CARMIL1: variants seen among roughly 807,000 people sequenced by gnomAD.
The protein encoded by CARMIL1 is capping protein regulator and myosin 1 linker 1.
Under a neutral mutation model 177.1 loss-of-function variants are expected in CARMIL1, and 90 were observed. The ratio of observed to expected loss-of-function variants is 0.51; its 90% CI spans 0.43 to 0.61. The LOEUF (loss-of-function observed/expected upper bound fraction) is 0.61. Ranked by LOEUF, CARMIL1 falls within the 20% of genes least tolerant of loss-of-function variation. The probability of loss-of-function intolerance (pLI) is 0.00; values close to 1 mark genes in which losing one functional copy is unlikely to be tolerated. For synonymous variants in CARMIL1, 577 were observed against 606.2 expected, an observed-to-expected ratio of 0.95 and a Z score of 0.71; for missense variants, 1,380 against 1,667.0, an observed-to-expected ratio of 0.83 and a Z score of 3.00.
intron 2 of CARMIL1, among the ~76,000 whole-genome samples, chr6:25,373,891 A>G (rs1403649189): frequency 3.3e-5 from 5 of 151,928 alleles, no homozygotes; most frequent in African/African-American, 7.3e-5. Flanking sequence ...CTCCATTTTC[A>G]TTTCTAATTG....
In CARMIL1 at chr6:25,340,368, C is replaced by T. The variant is rs114708408; in HGVS notation, c.138+55459C>T. On this transcript the variant is annotated intron_variant, in intron 2 of 36. Transcript: ENST00000329474. ...GCTATTTTTGAACCAGTGTTTTTGTCACAACGTTTTGAGTGTAGAATATTC... is the reference window on the plus strand; with the variant it reads ...GCTATTTTTGAACCAGTGTTTTTGTTACAACGTTTTGAGTGTAGAATATTC... Among the ~76,000 whole-genome samples, 697 of 152,272 alleles carry T rather than the reference C, an allele frequency of 4.6e-3. 6 individuals carry two copies. The highest frequency in any genetic ancestry group is 0.016 in the African/African-American group (651 of 41,552).
At chr6:25,454,514 G>A (rs2150875976) in intron 8 of CARMIL1, among the ~76,000 whole-genome samples, 1 of 152,290 alleles carries the variant, frequency 6.6e-6, no homozygotes, top group East Asian at 1.9e-4. Flanking sequence ...CTACAAAAAA[G>A]TAGTGGAACT....
intron 2 of CARMIL1, among the ~76,000 whole-genome samples, chr6:25,391,638 CAGTG>C (rs1390397407): frequency 6.6e-6 from 1 of 152,130 alleles, no homozygotes; most frequent in African/African-American, 2.4e-5. Flanking sequence ...AAATTAATGA[CAGTG>C]AGATATAATT....
intron 31 of CARMIL1, among the ~76,000 whole-genome samples, chr6:25,590,487 A>G (rs1385974463): frequency 1.3e-5 from 2 of 152,174 alleles, no homozygotes; most frequent in African/African-American, 2.4e-5. Context: ...AAGTTATACT[A>G]TCTCCATAAA....
At chr6:25,309,468 C>G (rs190323648) in intron 2 of CARMIL1, among the ~76,000 whole-genome samples, 209 of 142,376 alleles carry the variant, frequency 1.5e-3, no homozygotes, top group African/African-American at 5.2e-3. Flanking sequence ...TTACCAGAAT[C>G]AATTTTGAGC....
intron 1 of CARMIL1, among the ~76,000 whole-genome samples, chr6:25,280,246 A>G (rs1780966743): frequency 6.6e-6 from 1 of 152,114 alleles, no homozygotes; most frequent in Non-Finnish European, 1.5e-5. Flanking sequence ...GGGAAAGCCT[A>G]TTGGAAGGAC....
chr6:25,529,759 A>AAAAAAAAAAAAAAAAC (rs1807555451), intron 24 of CARMIL1, among the ~76,000 whole-genome samples: 1 of 40,140 alleles, frequency 2.5e-5, no homozygotes, highest in Non-Finnish European at 5.3e-5. Context: ...CGTCTCCAAA[A>AAAAAAAAAAAAAAAAC]AAAAAAAAAA....
chr6:25,332,685 G>A (rs1785750776), intron 2 of CARMIL1, among the ~76,000 whole-genome samples: 1 of 151,592 alleles, frequency 6.6e-6, no homozygotes, highest in African/African-American at 2.4e-5. Context: ...GTTTTCCAGA[G>A]CTCAGGGTAG....
At chr6:25,601,022 C>A (rs891880876) in intron 33 of CARMIL1, among the ~76,000 whole-genome samples, 2 of 152,100 alleles carry the variant, frequency 1.3e-5, no homozygotes, top group African/African-American at 4.8e-5. Flanking sequence ...TTTTCATCTC[C>A]CCCCATGTCC....
intron 5 of CARMIL1, among the ~76,000 whole-genome samples, chr6:25,438,039 G>A (rs1439549960): frequency 6.6e-6 from 1 of 152,138 alleles, no homozygotes; most frequent in African/African-American, 2.4e-5. Flanking sequence ...AAATTGTATA[G>A]CCTGACACAG....
chr6:25,555,845 G>A (rs185982713), intron 28 of CARMIL1, among the ~76,000 whole-genome samples: 1 of 152,094 alleles, frequency 6.6e-6, no homozygotes, highest in Admixed American at 6.5e-5. Flanking sequence ...CTGAAAGTTT[G>A]AATTTTTCAC....
chr6:25,436,131 C>T (rs995245841), intron 5 of CARMIL1, among the ~76,000 whole-genome samples: 2 of 151,750 alleles, frequency 1.3e-5, no homozygotes, highest in African/African-American at 4.8e-5. Context: ...TCATCCATGC[C>T]CTCATATTTT....
rs143232091 is a variant in CARMIL1, at chr6:25,491,936, T to C, written c.1144-12T>C. The C allele has an allele frequency of 2.1e-4, 338 of 1,611,840 alleles. 1 individual carries two copies. The African/African-American group carries it at 2.5e-3, about 12-fold the overall frequency. On this transcript the variant is annotated splice_polypyrimidine_tract_variant and intron_variant, in intron 14 of 36. Transcript: ENST00000329474. The stretch of plus-strand genomic sequence containing the variant: ...AATACTTGAAAAGAAGAGTGCCTTA[T>C]TTCTTTTTCAGGTCTGTGGAGCTCT...
rs562425315 is a variant in CARMIL1 at position 25,527,629 on chromosome 6, A to G, written c.1969-1166A>G. ...TTCTTGGGAAGCAGCAAGAGAAAGT[A>G]ATGTAATATACTGTCAAGGCATTAA... is the stretch of plus-strand genomic sequence containing the variant. On this transcript the variant is annotated intron_variant, in intron 23 of 36. Coordinates refer to ENST00000329474, the MANE Select transcript of CARMIL1 (RefSeq NM_017640.6). 3.9e-5 allele frequency: 16 copies of G among 413,148 alleles called. No individual in the cohort carries two copies. The Admixed American group carries it at 5.3e-4, about 14-fold the overall frequency. The allele number at this position is 413,148 out of a possible 1,614,324, so 25.6% of individuals were successfully genotyped here.
intron 31 of CARMIL1, among the ~76,000 whole-genome samples, chr6:25,585,570 T>G (rs1277858592): frequency 6.6e-6 from 1 of 152,238 alleles, no homozygotes; most frequent in Non-Finnish European, 1.5e-5. Context: ...TAGTATTTAT[T>G]GATCATTCTT....
chr6:25,282,669 A>G (rs1781231612), intron 1 of CARMIL1, among the ~76,000 whole-genome samples: 1 of 152,204 alleles, frequency 6.6e-6, no homozygotes, highest in Non-Finnish European at 1.5e-5. Context: ...TGTAAGTAGA[A>G]ATGAAAATTC....
intron 2 of CARMIL1, among the ~76,000 whole-genome samples, chr6:25,289,032 A>C (rs1265355214): frequency 6.6e-6 from 1 of 152,186 alleles, no homozygotes; most frequent in Non-Finnish European, 1.5e-5. Context: ...AGAGACCCTA[A>C]TGACCATGGG....
In CARMIL1 at chr6:25,581,267, C is replaced by T. The variant is rs202056331; in HGVS notation, c.2834C>T (p.Ala945Val). 834 of 1,613,752 alleles carry T rather than the reference C, an allele frequency of 5.2e-4. No individual in the cohort carries two copies. The highest frequency in any genetic ancestry group is 4.5e-4 in the Non-Finnish European group (533 of 1,179,820). The change falls in exon 31 of 37, where the codon GCG (alanine) becomes GTG (valine). Residue 945 changes from alanine (A) to valine (V), a missense_variant. Transcript: ENST00000329474. ...GAAATGGAGTTTGATCTAGATAAAG[C>T]GCTGGAAGAGGTACCAATTCACATC... is the stretch of plus-strand genomic sequence containing the variant. ...AFEMEFDLDK[A>V]LEEVPIHIED...
At chr6:25,300,943 A>G (rs989041725) in intron 2 of CARMIL1, among the ~76,000 whole-genome samples, 6 of 152,232 alleles carry the variant, frequency 3.9e-5, no homozygotes, top group African/African-American at 1.4e-4. Flanking sequence ...TCTGCTTAGG[A>G]AAATGACTTT....
Sources: allele counts gnomAD v4.1 joint callset (sites outside exome capture counted in the v4.1 genomes callset), GRCh38; gene constraint gnomAD v4.1.1; transcripts MANE v1.5; gene names NCBI Gene and HGNC (gene_info 2026-07-23, HGNC 2026-07-21).